Variants in PTPRE observed in about 807,000 individuals in gnomAD.
PTPRE encodes the protein protein tyrosine phosphatase receptor type E.
A neutral mutation model predicts 102.0 loss-of-function variants in PTPRE; 51 were observed. That is an observed-to-expected ratio of 0.50 (90% CI 0.40 to 0.63). The LOEUF is 0.63. PTPRE is among the 30% of genes least tolerant of loss of function. The pLI is 0.00. For missense variants in PTPRE, 752 were observed against 915.1 expected (o/e 0.82, Z 2.30); for synonymous variants, 345 against 348.2 (o/e 0.99, Z 0.10).
chr10:127,917,277 A>G (rs1281212272), intron 1 of PTPRE, among the ~76,000 whole-genome samples: 1 of 151,710 alleles, frequency 6.6e-6, no homozygotes, highest in African/African-American at 2.4e-5. Flanking sequence ...CAAGCAGCTG[A>G]TTCCAGCAGG....
At chr10:128,040,834 G>T (rs1337520534) in intron 2 of PTPRE, 41 bp from the exon 3 acceptor site, 2 of 1,536,396 alleles carry the variant, frequency 1.3e-6, no homozygotes, top group African/African-American at 2.7e-5. Flanking sequence ...TCCCACAGCT[G>T]CTGCTGGATG....
chr10:127,947,035 A>AT (rs1356743727), intron 1 of PTPRE, among the ~76,000 whole-genome samples: 1 of 151,998 alleles, frequency 6.6e-6, no homozygotes. Flanking sequence ...AAAAAAAAAA[A>AT]AGCTATATGT....
At chr10:127,910,318 G>A (rs1039897800) in intron 1 of PTPRE, among the ~76,000 whole-genome samples, 1 of 152,042 alleles carries the variant, frequency 6.6e-6, no homozygotes, top group Admixed American at 6.6e-5. Context: ...TTCCATCTTA[G>A]AAACTCCTAC....
intron 1 of PTPRE, among the ~76,000 whole-genome samples, chr10:127,920,045 G>C (rs1163140240): frequency 6.6e-6 from 1 of 152,062 alleles, no homozygotes; most frequent in Non-Finnish European, 1.5e-5. Context: ...TCCATTTTTA[G>C]CCCTAGCAGG....
rs991128477 is a variant in PTPRE at position 127,995,423 on chromosome 10, T to C, written c.-8+13127T>C. On this transcript the variant is annotated intron_variant, in intron 2 of 20. Coordinates refer to ENST00000254667, the MANE Select transcript of PTPRE (RefSeq NM_006504.6). ...TGGAGATGGTTATGTGCTTTGCTTC[T>C]TACTAAATGTATCCAGAAGCCAAGG... Among the ~76,000 whole-genome samples the C allele has an allele frequency of 2.6e-5, 4 of 152,294 alleles. No individual in the cohort carries two copies. The South Asian group carries it at 8.3e-4, about 32-fold the overall frequency.
intron 1 of PTPRE, among the ~76,000 whole-genome samples, chr10:127,941,269 T>G (rs977080936): frequency 6.6e-6 from 1 of 152,270 alleles, no homozygotes; most frequent in Admixed American, 6.5e-5. Flanking sequence ...TCCTTCCCCA[T>G]GTCAGCATTG....
At chr10:127,986,097 T>TA (rs1012643246) in intron 2 of PTPRE, among the ~76,000 whole-genome samples, 9 of 151,616 alleles carry the variant, frequency 5.9e-5, no homozygotes, top group South Asian at 2.1e-4. Context: ...TCTCAAAAAT[T>TA]AAAAAAAAAT....
intron 2 of PTPRE, among the ~76,000 whole-genome samples, chr10:128,017,740 C>A (rs1845551413): frequency 6.6e-6 from 1 of 152,186 alleles, no homozygotes; most frequent in Non-Finnish European, 1.5e-5. Context: ...CCTAAAAATT[C>A]TCTGTGCACC....
chr10:127,962,309 C>T (rs1033751100), intron 1 of PTPRE, among the ~76,000 whole-genome samples: 1 of 152,198 alleles, frequency 6.6e-6, no homozygotes, highest in Non-Finnish European at 1.5e-5. Context: ...GTGAGTGCGG[C>T]ACATGCCAGG....
intron 1 of PTPRE, among the ~76,000 whole-genome samples, chr10:127,968,355 C>T (rs1238593187): frequency 6.6e-6 from 1 of 152,110 alleles, no homozygotes; most frequent in African/African-American, 2.4e-5. Flanking sequence ...TGTACAAGGG[C>T]CACCGTGTGA....
At chr10:127,987,489 A>G (rs2135489104) in intron 2 of PTPRE, 1 of 549,470 alleles carries the variant, frequency 1.8e-6, no homozygotes, top group Non-Finnish European at 2.8e-6. Flanking sequence ...AAATCAGGCT[A>G]AAGAATATTA....
chr10:128,035,469 T>G (rs1847136843), intron 2 of PTPRE, among the ~76,000 whole-genome samples: 1 of 152,218 alleles, frequency 6.6e-6, no homozygotes, highest in Non-Finnish European at 1.5e-5. Flanking sequence ...CTCCAAGAAG[T>G]CCTGGTTTGG....
intron 1 of PTPRE, among the ~76,000 whole-genome samples, chr10:127,926,959 GCA>G: frequency 6.6e-6 from 1 of 151,668 alleles, no homozygotes; most frequent in African/African-American, 2.4e-5. Context: ...TTACAGGTGT[GCA>G]CCACCACACC....
intron 2 of PTPRE, among the ~76,000 whole-genome samples, chr10:128,038,010 G>T (rs1266884488): frequency 6.8e-6 from 1 of 147,368 alleles, no homozygotes; most frequent in Non-Finnish European, 1.5e-5. Context: ...GGTTTCCTGG[G>T]CAGGCTAGTC....
intron 1 of PTPRE, chr10:127,936,057 G>C (rs1323545861): frequency 1.3e-5 from 2 of 152,204 alleles, no homozygotes; most frequent in South Asian, 2.1e-4. Flanking sequence ...ATTCTGCATA[G>C]GAAAAACCGT....
At chr10:128,018,383 T>C (rs1278469681) in intron 2 of PTPRE, among the ~76,000 whole-genome samples, 1 of 152,232 alleles carries the variant, frequency 6.6e-6, no homozygotes, top group Non-Finnish European at 1.5e-5. Flanking sequence ...CAGTTCCAAC[T>C]GCATCTCACA....
intron 1 of PTPRE, among the ~76,000 whole-genome samples, chr10:127,919,844 TAC>T (rs1290089408): frequency 3.3e-5 from 5 of 152,236 alleles, no homozygotes; most frequent in Non-Finnish European, 7.3e-5. Flanking sequence ...TATGTCAAAA[TAC>T]ACATCCTGAA....
intron 1 of PTPRE, among the ~76,000 whole-genome samples, chr10:127,930,871 C>G (rs1395409333): frequency 6.6e-6 from 1 of 151,444 alleles, no homozygotes; most frequent in East Asian, 1.9e-4. Context: ...CGGCTCACTG[C>G]AACTTCAGCC....
intron 1 of PTPRE, chr10:127,934,578 C>G (rs1847696706): frequency 6.6e-6 from 1 of 152,210 alleles, no homozygotes; most frequent in Non-Finnish European, 1.5e-5. Flanking sequence ...ACACTGGACA[C>G]GTGGACACTG....
Sources: allele counts gnomAD v4.1 joint callset (sites outside exome capture counted in the v4.1 genomes callset), GRCh38; gene constraint gnomAD v4.1.1; transcripts MANE v1.5; gene names NCBI Gene and HGNC (gene_info 2026-07-23, HGNC 2026-07-21).